SPON1: variants seen among roughly 807,000 people sequenced by gnomAD.
The protein encoded by SPON1 is spondin-1.
Under a neutral mutation model 111.7 loss-of-function variants are expected in SPON1, and 52 were observed. That is an observed-to-expected ratio of 0.47 (90% CI 0.37 to 0.59). The LOEUF (loss-of-function observed/expected upper bound fraction) is 0.59. Among genes scored for constraint, SPON1 ranks in the 20% least tolerant of loss-of-function variants. SPON1 has a pLI of 0.00. For synonymous variants in SPON1, 410 were observed against 395.8 expected (o/e 1.04, Z -0.43); for missense variants, 957 against 1,068.5 (o/e 0.90, Z 1.46).
chr11:14,214,780 G>T (rs1848610398), intron 6 of SPON1, among the ~76,000 whole-genome samples: 1 of 152,172 alleles, frequency 6.6e-6, no homozygotes. Context: ...ATTTATTAAT[G>T]AAGTAAGAGT....
At chr11:14,007,858 C>T (rs1554913324) in intron 2 of SPON1, among the ~76,000 whole-genome samples, 1 of 152,202 alleles carries the variant, frequency 6.6e-6, no homozygotes, top group African/African-American at 2.4e-5. Flanking sequence ...CATCACTCTA[C>T]TCTCTGCCTC....
At chr11:14,160,524 C>CATATATATATTTATATATATATTT (rs1368095988) in intron 6 of SPON1, among the ~76,000 whole-genome samples, 1 of 3,354 alleles carries the variant, frequency 3.0e-4, no homozygotes. Context: ...TATATATTTA[C>CATATATATATTTATATATATATTT]ATATATATAT....
chr11:13,999,599 G>A (rs1380648302), intron 2 of SPON1, among the ~76,000 whole-genome samples: 13 of 152,004 alleles, frequency 8.6e-5, no homozygotes, highest in African/African-American at 2.9e-4. Context: ...AGAGATGGGG[G>A]TTTCGCCATG....
chr11:14,175,214 G>A (rs1848161406), intron 6 of SPON1, among the ~76,000 whole-genome samples: 1 of 152,206 alleles, frequency 6.6e-6, no homozygotes, highest in African/African-American at 2.4e-5. Context: ...AAGGAGCCTA[G>A]AGAAGCCAGT....
At chr11:14,014,011 G>T (rs1848425321) in intron 2 of SPON1, among the ~76,000 whole-genome samples, 1 of 152,154 alleles carries the variant, frequency 6.6e-6, no homozygotes, top group South Asian at 2.1e-4. Flanking sequence ...AGAGAAGCCT[G>T]GTTCTTCTGA....
intron 5 of SPON1, among the ~76,000 whole-genome samples, chr11:14,131,002 C>T (rs1847521701): frequency 6.6e-6 from 1 of 152,158 alleles, no homozygotes; most frequent in South Asian, 2.1e-4. Context: ...CAAACCATAT[C>T]AGCTTAATAC....
rs782152324 is a variant in SPON1 at position 14,259,368 on chromosome 11, T to A, written c.1581T>A (p.Tyr527Ter). Residue 527 changes from tyrosine (Y) to a stop codon, truncating the protein, a stop_gained, in exon 12 of 16, where the codon TAT (tyrosine) becomes TAA (stop). Transcript: ENST00000576479. LOFTEE classifies it high-confidence loss of function. This position sits in a 1 kb window ranked among gnomAD's most constrained non-coding sequence, Gnocchi z 5.0. Reference protein sequence around the residue: ...CGMGMRSRERYVKQFPEDGSV... With the variant: ...CGMGMRSRER ...TGGGCATGAGGTCCCGGGAGAGGTATGTGAAGCAGTTCCCGGAGGACGGCT... is the reference window on the plus strand; with the variant it reads ...TGGGCATGAGGTCCCGGGAGAGGTAAGTGAAGCAGTTCCCGGAGGACGGCT... 1 of 1,610,762 alleles carries A rather than the reference T, an allele frequency of 6.2e-7. No individual in the cohort carries two copies. Among genetic ancestry groups the A allele is most frequent in the South Asian group, 1.1e-5 (1 of 90,442 alleles).
At chr11:14,027,721 T>C (rs1326536111) in intron 2 of SPON1, among the ~76,000 whole-genome samples, 1 of 152,234 alleles carries the variant, frequency 6.6e-6, no homozygotes, top group Non-Finnish European at 1.5e-5. Flanking sequence ...GAGCTGATCA[T>C]AAATCTGAAT....
At position 14,262,755 on chromosome 11, in the gene SPON1, T is replaced by G; in HGVS notation, c.2040T>G (p.Cys680Trp). The change falls in exon 15 of 16, where the codon TGT becomes TGG. Residue 680 changes from cysteine (C) to tryptophan (W), a missense_variant. Physicochemically the swap from Cys to Trp is radical, Grantham distance 215 (BLOSUM62 -2). Coordinates refer to ENST00000576479, the MANE Select transcript of SPON1 (RefSeq NM_006108.4). The part of the protein sequence containing the change: ...ELTEWSQWSE[C>W]NKSCGKGHVI... Reference sequence around the variant, plus strand: ...CCGAGTGGTCCCAGTGGTCGGAATGTAACAAGTCATGTGGGAAAGGCCACG... The same window carrying G: ...CCGAGTGGTCCCAGTGGTCGGAATGGAACAAGTCATGTGGGAAAGGCCACG... 6.2e-7 allele frequency: 1 copy of G among 1,613,940 alleles called. No individual in the cohort carries two copies. The highest frequency in any genetic ancestry group is 8.5e-7 in the Non-Finnish European group (1 of 1,179,884).
intron 5 of SPON1, among the ~76,000 whole-genome samples, chr11:14,108,525 T>C (rs1158891063): frequency 6.6e-6 from 1 of 152,184 alleles, no homozygotes. Context: ...CATCCCTAAC[T>C]TCACAAATAT....
intron 6 of SPON1, among the ~76,000 whole-genome samples, chr11:14,139,145 C>G (rs1436178824): frequency 6.6e-6 from 1 of 152,200 alleles, no homozygotes; most frequent in Non-Finnish European, 1.5e-5. Context: ...TCTTACCTCT[C>G]CAATTTTATT....
At chr11:13,972,687 C>T (rs1384513104) in intron 1 of SPON1, among the ~76,000 whole-genome samples, 2 of 152,166 alleles carry the variant, frequency 1.3e-5, no homozygotes, top group African/African-American at 4.8e-5. Context: ...AACTGCCACC[C>T]CCAGCATAAG....
chr11:13,976,218 C>CT (rs1403022093), intron 1 of SPON1, among the ~76,000 whole-genome samples: 2 of 151,948 alleles, frequency 1.3e-5, no homozygotes, highest in Non-Finnish European at 2.9e-5. Context: ...AATGGAATTC[C>CT]TTTTTTTTAA....
rs574033646 is a variant in SPON1, at chr11:14,228,609, G to A, written c.826-14723G>A. Among the ~76,000 whole-genome samples the A allele has an allele frequency of 2.0e-5, 3 of 152,212 alleles. No individual in the cohort carries two copies. The highest frequency in any genetic ancestry group is 4.1e-4 in the South Asian group (2 of 4,822). On this transcript the variant is annotated intron_variant, in intron 6 of 15. Transcript: ENST00000576479. The surrounding 1 kb of genome is among the most constrained non-coding windows in gnomAD (Gnocchi z 4.2). ...AGGATCACTGGATGAGGGTCACCCT[G>A]GAAGGAAGTTTGACCTCACATTAGG...
intron 2 of SPON1, among the ~76,000 whole-genome samples, chr11:14,004,170 T>TAC (rs538447519): frequency 2.2e-4 from 33 of 151,078 alleles, no homozygotes; most frequent in Middle Eastern, 3.4e-3. Context: ...CACACACACA[T>TAC]ACACACACAC....
chr11:14,176,320 T>C (rs1432786805), intron 6 of SPON1, among the ~76,000 whole-genome samples: 1 of 151,990 alleles, frequency 6.6e-6, no homozygotes, highest in Non-Finnish European at 1.5e-5. Context: ...TTCCAAACTA[T>C]CCTCCTATTC....
chr11:13,985,800 C>G (rs1220815275), intron 2 of SPON1, among the ~76,000 whole-genome samples: 1 of 152,190 alleles, frequency 6.6e-6, no homozygotes, highest in Non-Finnish European at 1.5e-5. Flanking sequence ...GGTCCAAACA[C>G]TGTGCCAGTT....
chr11:13,970,648 G>C (rs150900732), intron 1 of SPON1, among the ~76,000 whole-genome samples: 162 of 152,172 alleles, frequency 1.1e-3, no homozygotes, highest in African/African-American at 3.8e-3. Context: ...ACTATCCTTT[G>C]AATTTTCCAA....
Position 14,243,426 on chromosome 11 carries a change from G to A in SPON1, c.890+30G>A, listed in dbSNP as rs372723278. ...GTAACACAAGTCCCTTGCCTGGCCTGTCTTATCCTAGCCCCTTCTCAAAGC... is the reference window on the plus strand; with the variant it reads ...GTAACACAAGTCCCTTGCCTGGCCTATCTTATCCTAGCCCCTTCTCAAAGC... On this transcript the variant is annotated intron_variant, in intron 7 of 15. Transcript: ENST00000576479. 49 of 1,553,154 alleles carry A rather than the reference G, an allele frequency of 3.2e-5. No homozygotes were observed. In the African/African-American group the frequency reaches 4.9e-4, roughly 16 times the overall value.
Sources: gnomAD v4.1 joint callset for allele counts (sites outside exome capture counted in the v4.1 genomes callset) on GRCh38, gnomAD v4.1.1 for gene constraint, Gnocchi (gnomAD v3.1) non-coding constraint, MANE v1.5 for transcripts, NCBI Gene and HGNC (gene_info 2026-07-23, HGNC 2026-07-21) for gene names.